The following ARB2A variants were observed in gnomAD, a reference collection of about 807,000 sequenced individuals.
ARB2A encodes cotranscriptional regulator ARB2A.
chr5:93,922,298 G>C, the ARB2A span, among the ~76,000 whole-genome samples: 2 of 152,054 alleles, frequency 1.3e-5, no homozygotes, highest in East Asian at 3.9e-4. Flanking sequence ...AAAAATTGAA[G>C]AGGCAGTGAA....
At chr5:93,680,430 T>G in the ARB2A span, among the ~76,000 whole-genome samples, 1 of 152,086 alleles carries the variant, frequency 6.6e-6, no homozygotes, top group East Asian at 1.9e-4. Flanking sequence ...TAATTGCTAG[T>G]TAGTTTTAGA....
the ARB2A span, among the ~76,000 whole-genome samples, chr5:93,858,163 T>C: frequency 6.6e-6 from 1 of 152,112 alleles, no homozygotes; most frequent in Non-Finnish European, 1.5e-5. Context: ...AGCAACAAAT[T>C]ATGACAACAC....
chr5:93,779,122 TGTGC>T, the ARB2A span, among the ~76,000 whole-genome samples: 34 of 147,370 alleles, frequency 2.3e-4, no homozygotes, highest in South Asian at 5.1e-3. Context: ...TGTGTGTGTG[TGTGC>T]GCGCGCGCGC....
chr5:93,805,694 C>T, the ARB2A span: 8 of 985,136 alleles, frequency 8.1e-6, no homozygotes, highest in Non-Finnish European at 9.6e-6. Flanking sequence ...GCAATTTTGA[C>T]TAAATTATAT....
the ARB2A span, among the ~76,000 whole-genome samples, chr5:94,086,032 G>A: frequency 6.6e-6 from 1 of 152,212 alleles, no homozygotes; most frequent in African/African-American, 2.4e-5. Flanking sequence ...CAGAAGGCAT[G>A]AGATGGGAAG....
the ARB2A span, among the ~76,000 whole-genome samples, chr5:94,004,381 A>C: frequency 6.6e-6 from 1 of 152,252 alleles, no homozygotes; most frequent in East Asian, 1.9e-4. Context: ...GGAGATCAAG[A>C]CCATCTTGGC....
the ARB2A span, among the ~76,000 whole-genome samples, chr5:94,104,655 G>A: frequency 1.3e-5 from 2 of 152,024 alleles, no homozygotes; most frequent in African/African-American, 4.8e-5. Flanking sequence ...ATTCTATGAA[G>A]CTAGCATCAT....
the ARB2A span, among the ~76,000 whole-genome samples, chr5:93,954,477 T>C: frequency 2.0e-5 from 3 of 151,824 alleles, no homozygotes; most frequent in Non-Finnish European, 4.4e-5. Context: ...CTACGGTGGC[T>C]CATCTGGTAT....
the ARB2A span, among the ~76,000 whole-genome samples, chr5:93,892,591 G>A: frequency 1.3e-5 from 2 of 151,882 alleles, no homozygotes; most frequent in Non-Finnish European, 1.5e-5. Context: ...CCTCTGGGGG[G>A]GGGAAAACCA....
At chr5:93,947,245 G>A in the ARB2A span, among the ~76,000 whole-genome samples, 1 of 152,068 alleles carries the variant, frequency 6.6e-6, no homozygotes, top group African/African-American at 2.4e-5. Context: ...CATTGGTCCA[G>A]AATTCATTTT....
the ARB2A span, among the ~76,000 whole-genome samples, chr5:93,870,527 C>T: frequency 6.6e-6 from 1 of 152,210 alleles, no homozygotes; most frequent in Non-Finnish European, 1.5e-5. Context: ...GTCCACAAAC[C>T]TCTGGAGATT....
chr5:93,764,763 T>C, the ARB2A span, among the ~76,000 whole-genome samples: 4 of 152,150 alleles, frequency 2.6e-5, no homozygotes, highest in Non-Finnish European at 5.9e-5. Context: ...TTTAGACCAA[T>C]ACCCTGATGA....
At chr5:93,650,417 A>C in the ARB2A span, among the ~76,000 whole-genome samples, 1 of 152,198 alleles carries the variant, frequency 6.6e-6, no homozygotes, top group Non-Finnish European at 1.5e-5. Flanking sequence ...AAGACTGAAG[A>C]AAACCTCAAC....
chr5:93,797,177 A>G, the ARB2A span, among the ~76,000 whole-genome samples: 1 of 152,260 alleles, frequency 6.6e-6, no homozygotes, highest in South Asian at 2.1e-4. Flanking sequence ...TAGACATCTG[A>G]CAGCTCTGAT....
the ARB2A span, among the ~76,000 whole-genome samples, chr5:93,905,813 A>G: frequency 6.6e-6 from 1 of 151,626 alleles, no homozygotes; most frequent in Non-Finnish European, 1.5e-5. Context: ...CAATAGAATT[A>G]TTGGTTATCT....
the ARB2A span, among the ~76,000 whole-genome samples, chr5:93,986,170 G>A: frequency 6.6e-6 from 1 of 151,582 alleles, no homozygotes; most frequent in South Asian, 2.1e-4. Flanking sequence ...GGGAAGTGAG[G>A]AGCGCCTCTG....
At chr5:93,876,159 G>T in the ARB2A span, among the ~76,000 whole-genome samples, 1 of 152,138 alleles carries the variant, frequency 6.6e-6, no homozygotes, top group Non-Finnish European at 1.5e-5. Flanking sequence ...AACCAGTGGT[G>T]ATTAACACTG....
chr5:93,920,799 C>T, the ARB2A span, among the ~76,000 whole-genome samples: 6 of 152,076 alleles, frequency 3.9e-5, no homozygotes, highest in Non-Finnish European at 7.4e-5. Context: ...GTAATAATTT[C>T]GTAGCCATCT....
the ARB2A span, among the ~76,000 whole-genome samples, chr5:93,672,754 T>C: frequency 6.6e-6 from 1 of 152,224 alleles, no homozygotes; most frequent in South Asian, 2.1e-4. Flanking sequence ...AATAGAATTT[T>C]AAAATTCTAC....
Sources: gnomAD v4.1 joint callset for allele counts (sites outside exome capture counted in the v4.1 genomes callset) on GRCh38, gnomAD v4.1.1 for gene constraint, MANE v1.5 for transcripts, NCBI Gene and HGNC (gene_info 2026-07-23, HGNC 2026-07-21) for gene names.